The following CA10 variants were observed in gnomAD, a reference collection of about 807,000 sequenced individuals.
The protein encoded by CA10 is carbonic anhydrase 10 (inactive).
CA10 carries 14 observed loss-of-function variants against 44.2 expected under a neutral mutation model. The ratio of observed to expected loss-of-function variants is 0.32; its 90% CI spans 0.21 to 0.50. The LOEUF (loss-of-function observed/expected upper bound fraction) is 0.50. CA10 is among the 20% of genes least tolerant of loss of function. CA10 has a pLI of 0.99. For missense variants in CA10, 350 were observed against 409.7 expected (o/e 0.85, Z 1.26); for synonymous variants, 159 against 141.6 (o/e 1.12, Z -0.87).
At chr17:51,670,531 C>T (rs924208848) in intron 4 of CA10, among the ~76,000 whole-genome samples, 1 of 151,736 alleles carries the variant, frequency 6.6e-6, no homozygotes, top group Non-Finnish European at 1.5e-5. Flanking sequence ...CCAACTCATG[C>T]GTGAATCTGG....
At chr17:51,648,137 T>C (rs1335489165) in intron 6 of CA10, among the ~76,000 whole-genome samples, 1 of 152,174 alleles carries the variant, frequency 6.6e-6, no homozygotes. Flanking sequence ...TTCTCCATAC[T>C]CTCCCTTGGC....
At chr17:51,776,722 T>G (rs1296514516) in intron 3 of CA10, among the ~76,000 whole-genome samples, 2 of 152,258 alleles carry the variant, frequency 1.3e-5, no homozygotes, top group Non-Finnish European at 2.9e-5. Context: ...TTTTTCAATT[T>G]AAATTAGTCC....
chr17:51,803,934 G>T (rs946678582), intron 3 of CA10, among the ~76,000 whole-genome samples: 11 of 152,152 alleles, frequency 7.2e-5, no homozygotes, highest in Middle Eastern at 3.2e-3. Context: ...TAAGTGCATA[G>T]GCCCAGGAGC....
intron 1 of CA10, among the ~76,000 whole-genome samples, chr17:52,109,378 G>GA (rs1324962719): frequency 1.3e-5 from 2 of 152,148 alleles, no homozygotes; most frequent in Non-Finnish European, 2.9e-5. Flanking sequence ...ATTTCCAGGG[G>GA]AAAACCAAAG....
At chr17:51,641,207 C>T (rs1205899798) in intron 6 of CA10, among the ~76,000 whole-genome samples, 3 of 151,498 alleles carry the variant, frequency 2.0e-5, no homozygotes, top group African/African-American at 7.3e-5. Context: ...ACTTACCTGT[C>T]ATATGAGAAA....
At chr17:51,631,897 A>G (rs1649231960) in intron 8 of CA10, among the ~76,000 whole-genome samples, 1 of 152,212 alleles carries the variant, frequency 6.6e-6, no homozygotes, top group South Asian at 2.1e-4. Context: ...TCCAATGTTC[A>G]ATAGCCACAT....
chr17:52,133,141 C>G (rs1474994248), intron 1 of CA10, among the ~76,000 whole-genome samples: 1 of 152,172 alleles, frequency 6.6e-6, no homozygotes, highest in African/African-American at 2.4e-5. Flanking sequence ...AATCTGGTAC[C>G]ATGCCCTTTG....
At chr17:52,038,598 G>A (rs986546427) in intron 2 of CA10, among the ~76,000 whole-genome samples, 1 of 152,104 alleles carries the variant, frequency 6.6e-6, no homozygotes, top group African/African-American at 2.4e-5. Context: ...ACAGATACGT[G>A]TATAAAAAAT....
intron 4 of CA10, among the ~76,000 whole-genome samples, chr17:51,719,261 C>T (rs979266219): frequency 6.6e-6 from 1 of 152,162 alleles, no homozygotes; most frequent in African/African-American, 2.4e-5. Context: ...TTTTAAACTC[C>T]CAGATGGCTC....
intron 1 of CA10, among the ~76,000 whole-genome samples, chr17:52,128,998 C>T (rs1315240121): frequency 2.6e-5 from 4 of 152,268 alleles, no homozygotes; most frequent in East Asian, 3.9e-4. Context: ...CCTGTTTATT[C>T]GAATGGTAAC....
intron 4 of CA10, among the ~76,000 whole-genome samples, chr17:51,736,301 G>A (rs1044765046): frequency 5.3e-5 from 8 of 152,114 alleles, no homozygotes; most frequent in African/African-American, 1.9e-4. Context: ...TGGGTCATGG[G>A]AACACATTAG....
intron 3 of CA10, among the ~76,000 whole-genome samples, chr17:51,893,551 A>G (rs1177089509): frequency 6.6e-6 from 1 of 152,208 alleles, no homozygotes; most frequent in Non-Finnish European, 1.5e-5. Context: ...GCTAAGGTCC[A>G]TGGAAATGAA....
intron 3 of CA10, among the ~76,000 whole-genome samples, chr17:51,841,933 G>T (rs1315496791): frequency 6.6e-6 from 1 of 152,162 alleles, no homozygotes; most frequent in Admixed American, 6.5e-5. Context: ...AAGAGAAGGG[G>T]CTGTCTTTTC....
chr17:51,711,404 G>C (rs1915939652), intron 4 of CA10, among the ~76,000 whole-genome samples: 2 of 152,292 alleles, frequency 1.3e-5, no homozygotes, highest in East Asian at 3.9e-4. Context: ...TGCAAAGACA[G>C]ATCTTTCCTG....
chr17:51,991,509 T>A (rs961903631), intron 2 of CA10, among the ~76,000 whole-genome samples: 3 of 152,106 alleles, frequency 2.0e-5, no homozygotes, highest in Admixed American at 6.6e-5. Flanking sequence ...AACAGGTGCT[T>A]AATAAATGCC....
chr17:51,890,728 T>C (rs1385585040), intron 3 of CA10, among the ~76,000 whole-genome samples: 2 of 152,102 alleles, frequency 1.3e-5, no homozygotes, highest in Non-Finnish European at 2.9e-5. Flanking sequence ...GGGTCACTAG[T>C]ATATATAGTG....
intron 3 of CA10, among the ~76,000 whole-genome samples, chr17:51,922,875 G>C (rs1982287681): frequency 6.6e-6 from 1 of 151,648 alleles, no homozygotes; most frequent in African/African-American, 2.4e-5. Context: ...CTTTTTCCTA[G>C]AGTTACTGTC....
chr17:52,084,379 G>C (rs1988063572), intron 1 of CA10, among the ~76,000 whole-genome samples: 1 of 152,184 alleles, frequency 6.6e-6, no homozygotes, highest in South Asian at 2.1e-4. Context: ...CATTTGCTGA[G>C]CATGCACTAT....
chr17:52,123,487 C>A (rs756629131), intron 1 of CA10, among the ~76,000 whole-genome samples: 3 of 151,830 alleles, frequency 2.0e-5, no homozygotes, highest in African/African-American at 7.3e-5. Context: ...ATGTAGGAAC[C>A]ATTGTTTTGT....
Sources: allele counts gnomAD v4.1 joint callset (sites outside exome capture counted in the v4.1 genomes callset), GRCh38; gene constraint gnomAD v4.1.1; transcripts MANE v1.5; gene names NCBI Gene and HGNC (gene_info 2026-07-23, HGNC 2026-07-21).